The following ABL1 variants were observed in gnomAD, a reference collection of about 807,000 sequenced individuals.
ABL1 encodes ABL proto-oncogene 1, non-receptor tyrosine kinase.
Under a neutral mutation model 94.7 loss-of-function variants are expected in ABL1, and 11 were observed. The ratio of observed to expected loss-of-function variants is 0.12; its 90% CI spans 0.07 to 0.19. ABL1 has a LOEUF of 0.19. Ranked by LOEUF, ABL1 falls within the 10% of genes least tolerant of loss-of-function variation. The pLI is 1.00. For synonymous variants in ABL1, 656 were observed against 622.4 expected (o/e 1.05, Z -0.80); for missense variants, 1,082 against 1,489.4 (o/e 0.73, Z 4.50).
intron 1 of ABL1, among the ~76,000 whole-genome samples, chr9:130,752,053 A>G (rs962171140): frequency 1.6e-4 from 25 of 152,226 alleles, no homozygotes; most frequent in African/African-American, 6.0e-4. Context: ...ATGTATGGGT[A>G]TAATGTAGGG....
At chr9:130,816,419 C>G (rs189882722) in intron 1 of ABL1, among the ~76,000 whole-genome samples, 322 of 152,182 alleles carry the variant, frequency 2.1e-3, no homozygotes, top group Non-Finnish European at 3.5e-3. Context: ...AACGATCCTC[C>G]TGCCTCAGCT....
intron 7 of ABL1, among the ~76,000 whole-genome samples, chr9:130,877,839 C>T (rs1254420786): frequency 6.8e-6 from 1 of 148,126 alleles, no homozygotes; most frequent in Non-Finnish European, 1.5e-5. Context: ...TGGAGTCTCG[C>T]TCTGTCACCC....
chr9:130,759,989 T>TTTTGG (rs1832090611), intron 1 of ABL1, among the ~76,000 whole-genome samples: 1 of 89,364 alleles, frequency 1.1e-5, no homozygotes, highest in African/African-American at 5.6e-5. Flanking sequence ...TTTTTTTTTT[T>TTTTGG]GGAGACGGGG....
At chr9:130,716,072 C>CTTTTTTTTTT (rs71389339) in intron 1 of ABL1, among the ~76,000 whole-genome samples, 4 of 91,186 alleles carry the variant, frequency 4.4e-5, no homozygotes, top group Non-Finnish European at 7.0e-5. Flanking sequence ...GAAAAATGTC[C>CTTTTTTTTTT]TTTTTTTTTT....
At chr9:130,852,760 T>C (rs554866517) in intron 1 of ABL1, among the ~76,000 whole-genome samples, 64 of 152,310 alleles carry the variant, frequency 4.2e-4, no homozygotes, top group African/African-American at 1.5e-3. Flanking sequence ...ATTTTCTAAT[T>C]TAAGAGCTGT....
intron 1 of ABL1, among the ~76,000 whole-genome samples, chr9:130,841,132 A>G (rs1830663604): frequency 6.6e-6 from 1 of 151,592 alleles, no homozygotes; most frequent in Non-Finnish European, 1.5e-5. Context: ...CAACAAAACA[A>G]ATCCCACAAA....
At chr9:130,854,390 C>T (rs549881392) in intron 2 of ABL1, among the ~76,000 whole-genome samples, 153 bp downstream of exon 2, 16 of 152,214 alleles carry the variant, frequency 1.1e-4, no homozygotes, top group East Asian at 5.8e-4. Flanking sequence ...CTAAGGGAGT[C>T]GACTCTCCTT....
intron 1 of ABL1, among the ~76,000 whole-genome samples, chr9:130,826,025 T>C (rs1388193791): frequency 6.6e-6 from 1 of 152,198 alleles, no homozygotes; most frequent in Non-Finnish European, 1.5e-5. Flanking sequence ...AGTTTGAAGA[T>C]AGGGGTTTTC....
chr9:130,798,688 G>C (rs1311438181), intron 1 of ABL1, among the ~76,000 whole-genome samples: 2 of 152,140 alleles, frequency 1.3e-5, no homozygotes, highest in Non-Finnish European at 2.9e-5. Flanking sequence ...GGAAGGGGGG[G>C]CCGGGCATGG....
intron 1 of ABL1, among the ~76,000 whole-genome samples, chr9:130,762,141 G>C (rs1194508848): frequency 6.3e-5 from 1 of 15,832 alleles, no homozygotes; most frequent in Non-Finnish European, 9.2e-5. Context: ...GAAACTCCCA[G>C]CTCAAAAAAA....
chr9:130,881,855 T>TTTTC (rs61202053), intron 10 of ABL1, among the ~76,000 whole-genome samples: 50,016 of 150,416 alleles, frequency 0.33, 11,587 homozygotes, highest in African/African-American at 0.66. Flanking sequence ...TAAACCTGAG[T>TTTTC]TTTATCACGT....
intron 1 of ABL1, among the ~76,000 whole-genome samples, chr9:130,773,928 T>C (rs955252107): frequency 6.6e-6 from 1 of 152,234 alleles, no homozygotes. Context: ...AGTTTCCTTA[T>C]GATTCTTTGT....
chr9:130,775,909 G>GGAACA (rs1360115237), intron 1 of ABL1, among the ~76,000 whole-genome samples: 1 of 152,098 alleles, frequency 6.6e-6, no homozygotes, highest in Non-Finnish European at 1.5e-5. Context: ...AGAAGACAGT[G>GGAACA]GAACAGTATC....
intron 1 of ABL1, among the ~76,000 whole-genome samples, chr9:130,730,301 C>T (rs1182593249): frequency 1.3e-5 from 2 of 152,086 alleles, no homozygotes; most frequent in Admixed American, 1.3e-4. Flanking sequence ...CTCGGCCTCC[C>T]AAAGTGCTGG....
intron 10 of ABL1, among the ~76,000 whole-genome samples, chr9:130,883,238 C>T (rs1228110131): frequency 6.6e-6 from 1 of 152,222 alleles, no homozygotes; most frequent in Non-Finnish European, 1.5e-5. Flanking sequence ...TGGCTCATGC[C>T]TGTAATCCCA....
rs748333101 is a variant in ABL1 at position 130,884,948 on chromosome 9, G to A, written c.2658G>A (p.Gly886=). The A allele has an allele frequency of 3.1e-6, 5 of 1,611,596 alleles. No homozygotes were observed. In the South Asian group the frequency reaches 5.5e-5, roughly 18 times the overall value. The change falls in exon 11 of 11, where the codon GGG becomes GGA. Residue 886 remains glycine (G), a synonymous_variant. Transcript: ENST00000318560. This position sits in a 1 kb window ranked among gnomAD's most constrained non-coding sequence, Gnocchi z 5.6. ...RRHKHSSESP[G]RDKGKLSRLK... is the part of the protein sequence containing the mutation. ...ACAAGCACTCCTCTGAGTCGCCAGG[G>A]AGGGACAAGGGGAAATTGTCCAGGC...
At chr9:130,878,812 A>G (rs1831397794) in intron 8 of ABL1, among the ~76,000 whole-genome samples, 2 of 152,112 alleles carry the variant, frequency 1.3e-5, no homozygotes, top group African/African-American at 4.8e-5. Flanking sequence ...GTATTCCTAA[A>G]TACAGATTCC....
chr9:130,723,375 A>G (rs940874003), intron 1 of ABL1, among the ~76,000 whole-genome samples: 4 of 152,058 alleles, frequency 2.6e-5, no homozygotes, highest in African/African-American at 4.8e-5. Context: ...GCAACACCCT[A>G]TTAGTACTAA....
rs778738079 is a variant in ABL1, at chr9:130,880,617, C to G, written c.1631C>G (p.Thr544Ser). The change falls in exon 10 of 11, where the codon ACC becomes AGC. Residue 544 changes from threonine (T) to serine (S), a missense_variant. Coordinates refer to ENST00000318560, the MANE Select transcript of ABL1 (RefSeq NM_005157.6). This position sits in a 1 kb window ranked among gnomAD's most constrained non-coding sequence, Gnocchi z 4.4. ...TSRRAAEHRDTTDVPEMPHSK... is the reference protein window; with the variant it reads ...TSRRAAEHRDSTDVPEMPHSK... ...AGGAGAGCTGCAGAGCACAGAGACA[C>G]CACTGACGTGCCTGAGATGCCTCAC... is the stretch of plus-strand genomic sequence containing the variant. The G allele has an allele frequency of 6.2e-7, 1 of 1,613,798 alleles. No individual in the cohort carries two copies. Among genetic ancestry groups the G allele is most frequent in the Admixed American group, 1.7e-5 (1 of 59,992 alleles).
Sources: allele counts gnomAD v4.1 joint callset (sites outside exome capture counted in the v4.1 genomes callset), GRCh38; gene constraint gnomAD v4.1.1; non-coding constraint Gnocchi (gnomAD v3.1); transcripts MANE v1.5; gene names NCBI Gene and HGNC (gene_info 2026-07-23, HGNC 2026-07-21).